The following SOD2 variants were observed in gnomAD, a reference collection of about 807,000 sequenced individuals.
SOD2 encodes superoxide dismutase 2.
In SOD2, 11 loss-of-function variants were observed where a neutral mutation model predicts 27.0. That is an observed-to-expected ratio of 0.41 (90% confidence interval 0.26 to 0.67). The LOEUF is 0.67. Ranked by LOEUF, SOD2 falls within the 30% of genes least tolerant of loss-of-function variation. SOD2 has a pLI of 0.34. For synonymous variants in SOD2, 105 were observed against 103.0 expected, an observed-to-expected ratio of 1.02 and a Z score of -0.12; for missense variants, 250 against 274.5, an observed-to-expected ratio of 0.91 and a Z score of 0.63.
intron 1 of SOD2, among the ~76,000 whole-genome samples, chr6:159,734,530 G>T (rs1470405373): frequency 6.6e-6 from 1 of 152,028 alleles, no homozygotes; most frequent in Non-Finnish European, 1.5e-5. Context: ...TAATAACTAG[G>T]GCTGGGCGTG....
chr6:159,697,278 T>G (rs1431994003), upstream of SOD2, among the ~76,000 whole-genome samples: 2 of 152,150 alleles, frequency 1.3e-5, no homozygotes, highest in Non-Finnish European at 2.9e-5. Flanking sequence ...CTGTGGTTTG[T>G]GGGGTTTTTT....
chr6:159,743,681 C>T, intron 1 of SOD2: 1 of 1,612,078 alleles, frequency 6.2e-7, no homozygotes, highest in Non-Finnish European at 8.5e-7. Flanking sequence ...ATGTAACTGG[C>T]CTAAGAGAGT....
At chr6:159,712,983 C>T (rs1233559745) in intron 1 of SOD2, 21 of 626,146 alleles carry the variant, frequency 3.4e-5, no homozygotes, top group Non-Finnish European at 1.5e-5. Flanking sequence ...GCCACTGCAT[C>T]TTCGTGAGCA....
chr6:159,703,366 A>C (rs1476380072), intron 1 of SOD2, among the ~76,000 whole-genome samples: 3 of 151,502 alleles, frequency 2.0e-5, no homozygotes, highest in Non-Finnish European at 4.4e-5. Context: ...GGAGTGGACA[A>C]AGAAAGCAGC....
intron 1 of SOD2, among the ~76,000 whole-genome samples, chr6:159,741,300 G>GTTA (rs776407183): frequency 3.1e-4 from 47 of 152,318 alleles, no homozygotes; most frequent in Non-Finnish European, 5.3e-4. Flanking sequence ...GTTTCTGACA[G>GTTA]TTAGATGTGA....
chr6:159,696,676 G>A (rs1015574856), upstream of SOD2, among the ~76,000 whole-genome samples: 8 of 152,066 alleles, frequency 5.3e-5, no homozygotes, highest in African/African-American at 1.9e-4. Flanking sequence ...AATTCCACTT[G>A]CTGCTCACTG....
chr6:159,729,337 T>C (rs1278814471), upstream of SOD2, among the ~76,000 whole-genome samples: 6 of 152,260 alleles, frequency 3.9e-5, no homozygotes, highest in Non-Finnish European at 8.8e-5. Flanking sequence ...TCTCCAACTT[T>C]TCTGCCTCTA....
rs1439062054 is a variant in SOD2 at position 159,671,823 on chromosome 6, C to CAA, written c.*10668_*10669dup. On this transcript the variant is annotated 3_prime_UTR_variant, in exon 5 of 5. Coordinates refer to ENST00000538183, the MANE Select transcript of SOD2 (RefSeq NM_000636.4). ...TAAAAGAGGAAGTTCGAACCCATCA[C>CAA]AAAGAACCTAAAAACCTTGAAAAAA... 1 of 152,100 alleles carries CAA rather than the reference C, an allele frequency of 6.6e-6. No homozygotes were observed. The highest frequency in any genetic ancestry group is 1.5e-5 in the Non-Finnish European group (1 of 68,026). 9.4% of individuals were successfully genotyped at this position (152,100 alleles called of 1,614,324 possible).
chr6:159,724,613 A>C (rs532196782), intron 1 of SOD2, among the ~76,000 whole-genome samples: 1 of 152,186 alleles, frequency 6.6e-6, no homozygotes, highest in Admixed American at 6.5e-5. Flanking sequence ...TAATCCCAGC[A>C]TTTTGGGAGG....
chr6:159,753,346 C>G (rs773078474), intron 1 of SOD2: 3 of 1,390,886 alleles, frequency 2.2e-6, no homozygotes, highest in South Asian at 2.5e-5. Flanking sequence ...TATGGGGAAG[C>G]ATCTGCTGTG....
intron 1 of SOD2, chr6:159,755,763 T>C: frequency 1.2e-6 from 1 of 800,576 alleles, no homozygotes; most frequent in East Asian, 5.0e-5. Flanking sequence ...TTTTTTTCTT[T>C]TCTTTTTTTT....
rs184089815 is a variant in SOD2 at position 159,672,855 on chromosome 6, G to A, written c.*9638C>T. On this transcript the variant is annotated 3_prime_UTR_variant, in exon 5 of 5. Transcript: ENST00000538183. ...GCTGTATTCAGGAAACCCATCTCAC[G>A]TACAGAGACACACACACATAGGCTC... 9.9e-3 allele frequency: 1,495 copies of A among 151,696 alleles called. 8 individuals carry two copies. Among genetic ancestry groups the A allele is most frequent in the Non-Finnish European group, 0.016 (1,119 of 67,914 alleles). 9.4% of individuals were successfully genotyped at this position (151,696 alleles called of 1,614,324 possible). A position where few individuals can be genotyped will look rare whatever the true frequency, so the allele number is the denominator to read the frequency against.
chr6:159,709,298 G>A (rs950219864), intron 1 of SOD2, among the ~76,000 whole-genome samples: 17 of 151,940 alleles, frequency 1.1e-4, no homozygotes, highest in Non-Finnish European at 2.4e-4. Context: ...CTTCTGCACA[G>A]CAAAAAAAAC....
intron 1 of SOD2, among the ~76,000 whole-genome samples, chr6:159,702,225 C>T (rs907261802): frequency 2.6e-5 from 4 of 151,912 alleles, no homozygotes; most frequent in Non-Finnish European, 5.9e-5. Context: ...GAGGCTGAGG[C>T]GGGAGGATCC....
At chr6:159,693,601 A>T (rs1377126546), upstream of SOD2, among the ~76,000 whole-genome samples, 8 of 151,956 alleles carry the variant, frequency 5.3e-5, no homozygotes, top group Non-Finnish European at 8.8e-5. Context: ...GCCGGCGGGG[A>T]TCTGGCTGCA....
chr6:159,700,546 C>A (rs1024447898), intron 1 of SOD2, among the ~76,000 whole-genome samples: 2 of 150,802 alleles, frequency 1.3e-5, no homozygotes, highest in African/African-American at 4.9e-5. Context: ...CCCAGCTACT[C>A]GGGAGGCTGA....
In SOD2 at chr6:159,681,242, C is replaced by T. The variant is rs1393680125; in HGVS notation, c.*1251G>A. On this transcript the variant is annotated 3_prime_UTR_variant, in exon 5 of 5. Coordinates refer to ENST00000538183, the MANE Select transcript of SOD2 (RefSeq NM_000636.4). ...TTTCCTTCACCGAAAACTCCAGGCA[C>T]CCAGCTCGCCCCGAGAAGGAAACCA... is the stretch of plus-strand genomic sequence containing the variant. 1 of 151,992 alleles carries T rather than the reference C, an allele frequency of 6.6e-6. No homozygotes were observed. The highest frequency in any genetic ancestry group is 2.4e-5 in the African/African-American group (1 of 41,364). The allele number at this position is 151,992 out of a possible 1,614,324, so 9.4% of individuals were successfully genotyped here.
chr6:159,739,145 G>A, intron 1 of SOD2: 2 of 943,952 alleles, frequency 2.1e-6, no homozygotes, highest in East Asian at 5.3e-5. Context: ...TTTTAATGTT[G>A]TTCTATCCTC....
upstream of SOD2, chr6:159,749,203 T>C (rs1406739382): frequency 5.1e-6 from 5 of 985,750 alleles, no homozygotes; most frequent in South Asian, 9.4e-5. Flanking sequence ...TGAAGCATTA[T>C]AAACATTCAT....
Sources: gnomAD v4.1 joint callset for allele counts (sites outside exome capture counted in the v4.1 genomes callset) on GRCh38, gnomAD v4.1.1 for gene constraint, MANE v1.5 for transcripts, NCBI Gene and HGNC (gene_info 2026-07-23, HGNC 2026-07-21) for gene names.